The following RHBDD1 variants were observed in gnomAD, a reference collection of about 807,000 sequenced individuals.
RHBDD1 encodes the protein rhomboid-related protein 4.
A neutral mutation model predicts 36.3 loss-of-function variants in RHBDD1; 38 were observed. That is an observed-to-expected ratio of 1.05 (90% CI 0.81 to 1.37). The LOEUF (loss-of-function observed/expected upper bound fraction) is 1.37, where lower values mean the gene tolerates loss of function less well. Among genes scored for constraint, RHBDD1 ranks in the 40% most tolerant of loss-of-function variants. The probability of loss-of-function intolerance (pLI) is 0.00; values close to 1 mark genes in which losing one functional copy is unlikely to be tolerated. For synonymous variants in RHBDD1, 151 were observed against 136.5 expected, an observed-to-expected ratio of 1.11 and a Z score of -0.74; for missense variants, 393 against 377.6, an observed-to-expected ratio of 1.04 and a Z score of -0.34.
At chr2:226,893,416 T>A (rs2125517487) in intron 5 of RHBDD1, among the ~76,000 whole-genome samples, 1 of 152,340 alleles carries the variant, frequency 6.6e-6, no homozygotes, top group African/African-American at 2.4e-5. Context: ...TCGCATTTAT[T>A]CTGCTACAGT....
intron 3 of RHBDD1, among the ~76,000 whole-genome samples, chr2:226,860,493 C>G (rs1266816958): frequency 6.6e-6 from 1 of 152,134 alleles, no homozygotes. Flanking sequence ...AGTCAGTGCT[C>G]ACTTATTGTG....
chr2:226,964,054 CT>C (rs1952431302), intron 8 of RHBDD1, among the ~76,000 whole-genome samples: 1 of 152,154 alleles, frequency 6.6e-6, no homozygotes, highest in African/African-American at 2.4e-5. Context: ...TCAGTCTCTA[CT>C]GGATCCCTCC....
At chr2:226,883,669 TTTGGTGAC>T (rs1945968470) in intron 5 of RHBDD1, among the ~76,000 whole-genome samples, 1 of 152,150 alleles carries the variant, frequency 6.6e-6, no homozygotes, top group Non-Finnish European at 1.5e-5. Flanking sequence ...AATAATCAAT[TTTGGTGAC>T]TTGGTGACAG....
intron 5 of RHBDD1, among the ~76,000 whole-genome samples, chr2:226,901,538 CTTG>C (rs1309197116): frequency 6.6e-6 from 1 of 152,186 alleles, no homozygotes; most frequent in African/African-American, 2.4e-5. Flanking sequence ...CTTGCCCACA[CTTG>C]TTGTATCATT....
chr2:226,811,619 C>T, the RHBDD1 span, among the ~76,000 whole-genome samples: 1 of 152,034 alleles, frequency 6.6e-6, no homozygotes, highest in Admixed American at 6.6e-5. Context: ...GGAATTGTTG[C>T]CGGACAATAT....
At chr2:226,826,214 T>C in the RHBDD1 span, among the ~76,000 whole-genome samples, 3 of 152,210 alleles carry the variant, frequency 2.0e-5, no homozygotes, top group Admixed American at 6.5e-5. Context: ...GATCTATTTA[T>C]GTGAGATTAG....
intron 1 of RHBDD1, among the ~76,000 whole-genome samples, chr2:226,837,295 T>C (rs924388710): frequency 6.6e-6 from 1 of 152,230 alleles, no homozygotes; most frequent in Non-Finnish European, 1.5e-5. Flanking sequence ...AGTACATAGT[T>C]TGTGCTGGAA....
intron 8 of RHBDD1, among the ~76,000 whole-genome samples, chr2:226,962,636 A>T (rs1262706437): frequency 6.6e-6 from 1 of 152,238 alleles, no homozygotes; most frequent in Admixed American, 6.5e-5. Context: ...ATTTTCCAGT[A>T]TGCAGGAACT....
At chr2:226,988,360 A>T in intron 8 of RHBDD1, 2 of 1,550,238 alleles carry the variant, frequency 1.3e-6, no homozygotes, top group Non-Finnish European at 1.7e-6. Context: ...AGACAATGGC[A>T]AGTCTCCTGG....
the RHBDD1 span, among the ~76,000 whole-genome samples, chr2:226,802,189 T>TA: frequency 5.3e-5 from 8 of 152,210 alleles, no homozygotes; most frequent in Admixed American, 5.2e-4. Flanking sequence ...ATAAACCTTT[T>TA]AAAAAATATA....
intron 3 of RHBDD1, among the ~76,000 whole-genome samples, chr2:226,862,754 G>A (rs1943969461): frequency 6.6e-6 from 1 of 152,186 alleles, no homozygotes; most frequent in Non-Finnish European, 1.5e-5. Flanking sequence ...GGTCTATTTA[G>A]CTCACAGTTC....
chr2:226,947,681 G>A (rs1227529088), intron 8 of RHBDD1, among the ~76,000 whole-genome samples: 1 of 151,960 alleles, frequency 6.6e-6, no homozygotes, highest in East Asian at 1.9e-4. Flanking sequence ...TCTGACAAAG[G>A]GCTAATATCC....
At chr2:226,825,960 T>G in the RHBDD1 span, among the ~76,000 whole-genome samples, 4 of 152,350 alleles carry the variant, frequency 2.6e-5, no homozygotes, top group African/African-American at 9.6e-5. Flanking sequence ...GCCAGGCACT[T>G]TGATAAAAGC....
intron 3 of RHBDD1, among the ~76,000 whole-genome samples, chr2:226,857,852 A>AT (rs1272141789): frequency 2.6e-5 from 4 of 152,198 alleles, no homozygotes; most frequent in African/African-American, 9.7e-5. Flanking sequence ...AGAATTAGAT[A>AT]TGCACAACCT....
At chr2:226,938,066 A>G (rs1186497584) in intron 8 of RHBDD1, among the ~76,000 whole-genome samples, 1 of 152,182 alleles carries the variant, frequency 6.6e-6, no homozygotes, top group Non-Finnish European at 1.5e-5. Flanking sequence ...CCAACAGTGT[A>G]AAAGCATTCC....
the RHBDD1 span, among the ~76,000 whole-genome samples, chr2:226,818,158 T>A: frequency 7.7e-6 from 1 of 129,148 alleles, no homozygotes; most frequent in African/African-American, 3.7e-5. Context: ...CAGTATTTTT[T>A]TTTTTTTTTT....
At chr2:226,974,438 C>T (rs1453147238) in intron 8 of RHBDD1, among the ~76,000 whole-genome samples, 4 of 152,090 alleles carry the variant, frequency 2.6e-5, no homozygotes, top group African/African-American at 7.2e-5. Context: ...GGGGTTTCAC[C>T]GTGTTAGCCA....
At chr2:226,854,110 T>C (rs1452473097) in intron 3 of RHBDD1, among the ~76,000 whole-genome samples, 1 of 152,234 alleles carries the variant, frequency 6.6e-6, no homozygotes, top group Non-Finnish European at 1.5e-5. Flanking sequence ...CTGGGATGAA[T>C]AGCTTGAAGT....
At position 226,997,286 on chromosome 2, in the gene RHBDD1, C is replaced by T. The variant is rs1959627783; in HGVS notation, c.*1764C>T. 6.6e-6 allele frequency: 1 copy of T among 152,218 alleles called. No homozygotes were observed. The highest frequency in any genetic ancestry group is 2.4e-5 in the African/African-American group (1 of 41,458). The allele number at this position is 152,218 out of a possible 1,614,324, so 9.4% of individuals were successfully genotyped here. A position where few individuals can be genotyped will look rare whatever the true frequency, so the allele number is the denominator to read the frequency against. ...AAAATATTCAAGCTAAATGTTACTGCTCTCTCCCAAATTCTGTAAGTTTGA... is the reference window on the plus strand; with the variant it reads ...AAAATATTCAAGCTAAATGTTACTGTTCTCTCCCAAATTCTGTAAGTTTGA... On this transcript the variant is annotated 3_prime_UTR_variant, in exon 9 of 9. Transcript: ENST00000392062.
Sources: gnomAD v4.1 joint callset for allele counts (sites outside exome capture counted in the v4.1 genomes callset) on GRCh38, gnomAD v4.1.1 for gene constraint, MANE v1.5 for transcripts, NCBI Gene and HGNC (gene_info 2026-07-23, HGNC 2026-07-21) for gene names.